Variants in ARIH2 observed in about 807,000 individuals in gnomAD.
ARIH2 encodes the protein ariadne RBR E3 ubiquitin protein ligase 2.
In ARIH2, 12 loss-of-function variants were observed where a neutral mutation model predicts 79.8. The ratio of observed to expected loss-of-function variants is 0.15; its 90% CI spans 0.10 to 0.24. The LOEUF (loss-of-function observed/expected upper bound fraction) is 0.24, where lower values mean the gene tolerates loss of function less well. ARIH2 is among the 10% of genes least tolerant of loss of function. The pLI is 1.00. For synonymous variants in ARIH2, 224 were observed against 213.9 expected (o/e 1.05, Z -0.41); for missense variants, 301 against 618.3 (o/e 0.49, Z 5.44).
intron 3 of ARIH2, among the ~76,000 whole-genome samples, chr3:48,942,824 T>C (rs1476126584): frequency 6.6e-6 from 1 of 151,972 alleles, no homozygotes; most frequent in East Asian, 1.9e-4. Flanking sequence ...GCTAATTTTG[T>C]ATTTTTAGTA....
chr3:48,957,872 C>T (rs924491074), intron 3 of ARIH2, among the ~76,000 whole-genome samples: 4 of 152,106 alleles, frequency 2.6e-5, no homozygotes, highest in African/African-American at 9.7e-5. Flanking sequence ...CCTACCACCA[C>T]ACCCAGCTAA....
In ARIH2 at chr3:48,940,794, C is replaced by CAAAAAAA. The variant is rs761364123; in HGVS notation, c.255+12990_255+12996dup. ...TGGGTGATAAAGGGAGACTCCGTCTCAAAAAAAAAAAAAAATATATATATA... is the reference window on the plus strand; with the variant it reads ...TGGGTGATAAAGGGAGACTCCGTCTCAAAAAAAAAAAAAAAAAAAAAATATATATATA... On this transcript the variant is annotated intron_variant, in intron 3 of 15. Transcript: ENST00000356401. Among the ~76,000 whole-genome samples, 91 of 68,422 alleles carry CAAAAAAA rather than the reference C, an allele frequency of 1.3e-3. 2 individuals carry two copies. The highest frequency in any genetic ancestry group is 6.9e-3 in the African/African-American group (87 of 12,656). The allele number at this position is 68,422 out of a possible 152,430, so 44.9% of individuals were successfully genotyped here.
At chr3:48,960,330 T>G (rs2091113484) in intron 3 of ARIH2, among the ~76,000 whole-genome samples, 1 of 152,126 alleles carries the variant, frequency 6.6e-6, no homozygotes, top group African/African-American at 2.4e-5. Flanking sequence ...TATGCACCTG[T>G]AGTGCCCGAG....
At chr3:48,955,010 C>A (rs897921149) in intron 3 of ARIH2, among the ~76,000 whole-genome samples, 3 of 152,150 alleles carry the variant, frequency 2.0e-5, no homozygotes, top group African/African-American at 7.2e-5. Flanking sequence ...CCAGCCTGGC[C>A]AACATGGTGA....
chr3:48,977,489 ACT>A (rs1484871008), intron 11 of ARIH2, among the ~76,000 whole-genome samples: 1 of 143,736 alleles, frequency 7.0e-6, no homozygotes, highest in Non-Finnish European at 1.5e-5. Context: ...ACAGAGTCTC[ACT>A]CTGTCGCCTG....
chr3:48,966,386 T>G (rs2091794345), intron 5 of ARIH2, among the ~76,000 whole-genome samples: 1 of 152,186 alleles, frequency 6.6e-6, no homozygotes, highest in South Asian at 2.1e-4. Context: ...TGGTTTGTGG[T>G]TTTAGCCAAG....
chr3:48,977,424 G>A (rs1433557073), intron 11 of ARIH2, among the ~76,000 whole-genome samples: 1 of 151,588 alleles, frequency 6.6e-6, no homozygotes, highest in Non-Finnish European at 1.5e-5. Flanking sequence ...TCCTTGCTCG[G>A]CCTCCTGAGT....
intron 3 of ARIH2, among the ~76,000 whole-genome samples, chr3:48,959,735 T>G (rs1180204042): frequency 1.5e-5 from 2 of 131,060 alleles, no homozygotes; most frequent in African/African-American, 3.0e-5. Context: ...GGAAGGAAAA[T>G]AGAGACCCCC....
At chr3:48,919,132 G>A in intron 1 of ARIH2, 134 bp downstream of exon 1, 4 of 1,301,196 alleles carry the variant, frequency 3.1e-6, no homozygotes, top group African/African-American at 1.5e-5. Flanking sequence ...CCCCGTCGCC[G>A]GCACGTTGTC....
At chr3:48,947,664 TAAGGGTC>T (rs935768637) in intron 3 of ARIH2, among the ~76,000 whole-genome samples, 4 of 152,220 alleles carry the variant, frequency 2.6e-5, no homozygotes, top group African/African-American at 9.6e-5. Flanking sequence ...TGCAGTAATA[TAAGGGTC>T]AACCCTTTGT....
At chr3:48,924,259 T>C (rs192247454) in intron 2 of ARIH2, among the ~76,000 whole-genome samples, 1 of 149,970 alleles carries the variant, frequency 6.7e-6, no homozygotes, top group Non-Finnish European at 1.5e-5. Flanking sequence ...CCTCCCAAAG[T>C]GTGGGGATTA....
chr3:48,959,649 C>CAA (rs71077758), intron 3 of ARIH2, among the ~76,000 whole-genome samples: 754 of 50,072 alleles, frequency 0.015, 35 homozygotes, highest in African/African-American at 0.052. Context: ...TAAAAAATAC[C>CAA]AAAAAAAAAA....
chr3:48,935,339 C>T (rs902226735), intron 3 of ARIH2, among the ~76,000 whole-genome samples: 1 of 152,210 alleles, frequency 6.6e-6, no homozygotes, highest in Non-Finnish European at 1.5e-5. Context: ...ATATTTCAAA[C>T]ATTTCCCCAT....
intron 3 of ARIH2, among the ~76,000 whole-genome samples, chr3:48,954,554 G>A (rs1466772892): frequency 6.6e-6 from 1 of 152,184 alleles, no homozygotes; most frequent in East Asian, 1.9e-4. Flanking sequence ...TGAGATTACA[G>A]GCTTGAGCCA....
At chr3:48,965,484 T>G (rs1034767831) in intron 5 of ARIH2, among the ~76,000 whole-genome samples, 3 of 152,216 alleles carry the variant, frequency 2.0e-5, no homozygotes, top group African/African-American at 7.2e-5. Context: ...ACTAAGTCAT[T>G]GCCTGTCCTT....
intron 3 of ARIH2, among the ~76,000 whole-genome samples, chr3:48,939,875 A>G (rs967927737): frequency 1.3e-5 from 2 of 152,054 alleles, no homozygotes; most frequent in Non-Finnish European, 2.9e-5. Context: ...GTACATTCAC[A>G]TTGTTATGCA....
chr3:48,920,859 G>C lies in ARIH2; in HGVS notation c.-162+1861G>C. Among the ~76,000 whole-genome samples the C allele has an allele frequency of 3.3e-5, 2 of 60,156 alleles. 1 individual carries two copies. The highest frequency in any genetic ancestry group is 4.1e-3 in the South Asian group (2 of 484). The allele number at this position is 60,156 out of a possible 152,430, so 39.5% of individuals were successfully genotyped here. ...GCCTGTAATCCAGTGAGCCGAGATCGCGCCACTGCACTCCAGCAAGACTCT... is the reference window on the plus strand; with the variant it reads ...GCCTGTAATCCAGTGAGCCGAGATCCCGCCACTGCACTCCAGCAAGACTCT... On this transcript the variant is annotated intron_variant, in intron 1 of 15. Transcript: ENST00000356401.
chr3:48,959,734 A>G (rs1176029609), intron 3 of ARIH2, among the ~76,000 whole-genome samples: 1 of 152,014 alleles, frequency 6.6e-6, no homozygotes, highest in Non-Finnish European at 1.5e-5. Context: ...TGGAAGGAAA[A>G]TAGAGACCCC....
Position 48,927,789 on chromosome 3 carries a change from G to T in ARIH2, c.231G>T (p.Met77Ile), listed in dbSNP as rs2085837111. ...CTGAGGGTGCCCTCAATGAGCACAT[G>T]ACCAGCTTAGCTTCTGTCCTAAAGG... is the stretch of plus-strand genomic sequence containing the variant. ...KESEGALNEH[M>I]TSLASVLKVS... is the part of the protein sequence containing the mutation. The change falls in exon 3 of 16, where the codon ATG becomes ATT. Residue 77 changes from methionine to isoleucine, a missense_variant. Physicochemically the swap from Met to Ile is conservative, Grantham distance 10. This residue lies in a region of ARIH2 where 223 missense variants were observed against 349.4 expected (regional missense o/e 0.64). Transcript: ENST00000356401. 1.2e-6 allele frequency: 2 copies of T among 1,614,008 alleles called. No homozygotes were observed. Among genetic ancestry groups the T allele is most frequent in the Non-Finnish European group, 1.7e-6 (2 of 1,180,022 alleles).
Sources: gnomAD v4.1 joint callset for allele counts (sites outside exome capture counted in the v4.1 genomes callset) on GRCh38, gnomAD v4.1.1 for gene constraint, gnomAD v4.1.1 regional missense constraint, MANE v1.5 for transcripts, NCBI Gene and HGNC (gene_info 2026-07-23, HGNC 2026-07-21) for gene names.